PLXNA4: variants seen among roughly 807,000 people sequenced by gnomAD.
The protein encoded by PLXNA4 is plexin-A4.
PLXNA4 carries 44 observed loss-of-function variants against 191.8 expected under a neutral mutation model. That is an observed-to-expected ratio of 0.23 (90% CI 0.18 to 0.29). PLXNA4 has a LOEUF of 0.29. PLXNA4 is among the 10% of genes least tolerant of loss of function. The pLI, the probability that PLXNA4 is intolerant of heterozygous loss-of-function variation, is 1.00. For synonymous variants in PLXNA4, 1,082 were observed against 1,009.5 expected, an observed-to-expected ratio of 1.07 and a Z score of -1.36; for missense variants, 1,800 against 2,488.8, an observed-to-expected ratio of 0.72 and a Z score of 5.89.
chr7:132,608,807 AT>A (rs1802991337), intron 2 of PLXNA4, among the ~76,000 whole-genome samples: 1 of 152,054 alleles, frequency 6.6e-6, no homozygotes, highest in Non-Finnish European at 1.5e-5. Flanking sequence ...ACCCTCAGGG[AT>A]TACTCACTCC....
At chr7:132,476,254 C>A (rs1797125691) in intron 3 of PLXNA4, among the ~76,000 whole-genome samples, 1 of 152,270 alleles carries the variant, frequency 6.6e-6, no homozygotes, top group Non-Finnish European at 1.5e-5. Flanking sequence ...CGGGCAACTC[C>A]TTAAGAGCTT....
At chr7:132,171,188 C>T (rs1453811223) in intron 21 of PLXNA4, among the ~76,000 whole-genome samples, 1 of 152,220 alleles carries the variant, frequency 6.6e-6, no homozygotes, top group Non-Finnish European at 1.5e-5. Flanking sequence ...TAGATAATGT[C>T]ATTTCTTGGG....
intron 2 of PLXNA4, among the ~76,000 whole-genome samples, chr7:132,493,741 G>A (rs1160656837): frequency 1.4e-5 from 2 of 142,078 alleles, no homozygotes; most frequent in Non-Finnish European, 3.1e-5. Flanking sequence ...GTGGATGGGT[G>A]GATGGGTGGA....
At chr7:132,501,915 G>A (rs1437528128) in intron 2 of PLXNA4, among the ~76,000 whole-genome samples, 4 of 152,232 alleles carry the variant, frequency 2.6e-5, no homozygotes, top group African/African-American at 9.6e-5. Context: ...AAGTGTAGTG[G>A]AGATGAGAGA....
intron 3 of PLXNA4, among the ~76,000 whole-genome samples, chr7:132,409,904 C>T (rs745628235): frequency 6.6e-6 from 1 of 152,216 alleles, no homozygotes; most frequent in African/African-American, 2.4e-5. Context: ...GGGTTAATGC[C>T]TGGCCCGGCA....
intron 2 of PLXNA4, among the ~76,000 whole-genome samples, chr7:132,631,318 G>C (rs1253889430): frequency 6.6e-6 from 1 of 152,138 alleles, no homozygotes; most frequent in Non-Finnish European, 1.5e-5. Flanking sequence ...CAGTTTAAGA[G>C]GCACAGCCCT....
At chr7:132,271,431 G>GA (rs5887561) in intron 4 of PLXNA4, among the ~76,000 whole-genome samples, 79,834 of 128,268 alleles carry the variant, frequency 0.62, 24,591 homozygotes, top group African/African-American at 0.73. Context: ...AGTCACTTAG[G>GA]AAAAAAAAAA....
At position 132,444,891 on chromosome 7, in the gene PLXNA4, C is replaced by T. The variant is rs549918989; in HGVS notation, c.1371+44401G>A. 6.6e-5 allele frequency among the ~76,000 whole-genome samples: 10 copies of T among 151,830 alleles called. No individual in the cohort carries two copies. In the East Asian group the frequency reaches 1.2e-3, roughly 18 times the overall value. On this transcript the variant is annotated intron_variant, in intron 3 of 31. Coordinates refer to ENST00000321063, the MANE Select transcript of PLXNA4 (RefSeq NM_020911.2). ...CTTAAGATTGGTTCTCGGCTGGGCG[C>T]GGTGGCTCACTCCTGTAATCCCAAC...
intron 3 of PLXNA4, among the ~76,000 whole-genome samples, chr7:132,346,765 T>A (rs1803259896): frequency 6.6e-6 from 1 of 152,252 alleles, no homozygotes; most frequent in South Asian, 2.1e-4. Context: ...CTGGAGAATT[T>A]ACACATACAC....
At chr7:132,602,219 A>G (rs1802833794) in intron 2 of PLXNA4, among the ~76,000 whole-genome samples, 1 of 152,194 alleles carries the variant, frequency 6.6e-6, no homozygotes, top group African/African-American at 2.4e-5. Flanking sequence ...CACTGGACAA[A>G]AATATGAGAA....
At chr7:132,203,113 C>G (rs575943820) in intron 11 of PLXNA4, among the ~76,000 whole-genome samples, 2 of 152,308 alleles carry the variant, frequency 1.3e-5, no homozygotes, top group South Asian at 4.1e-4. Context: ...CAGAAGCCCT[C>G]AGCCCAGGTC....
intron 3 of PLXNA4, among the ~76,000 whole-genome samples, chr7:132,418,383 G>A (rs1028900031): frequency 2.0e-5 from 3 of 152,136 alleles, no homozygotes; most frequent in Admixed American, 6.5e-5. Context: ...TATCAGGATT[G>A]AAACTTTCTG....
chr7:132,145,415 G>GGTAA (rs1395647511), intron 28 of PLXNA4, 127 bp from the exon 29 acceptor site: 1 of 1,326,266 alleles, frequency 7.5e-7, no homozygotes, highest in African/African-American at 1.5e-5. Flanking sequence ...GGTAAAATTG[G>GGTAA]GTAAGTCCAT....
intron 28 of PLXNA4, chr7:132,145,620 A>G (rs1439210390): frequency 1.3e-5 from 4 of 318,822 alleles, no homozygotes; most frequent in Non-Finnish European, 2.4e-5. Flanking sequence ...ACTTGGTCAG[A>G]GCAGACAAAC....
intron 3 of PLXNA4, among the ~76,000 whole-genome samples, chr7:132,359,813 A>AAGAT (rs1375577993): frequency 2.0e-5 from 3 of 152,174 alleles, no homozygotes; most frequent in African/African-American, 4.8e-5. Flanking sequence ...AAAAAGAAAA[A>AAGAT]AGATATTTGA....
chr7:132,513,395 T>G (rs1021923986), intron 1 of PLXNA4, among the ~76,000 whole-genome samples: 1 of 152,192 alleles, frequency 6.6e-6, no homozygotes, highest in Non-Finnish European at 1.5e-5. Flanking sequence ...ATGCCTTCTT[T>G]AAAGATAAGG....
chr7:132,289,629 T>G (rs2161873), intron 4 of PLXNA4, among the ~76,000 whole-genome samples: 1 of 151,742 alleles, frequency 6.6e-6, no homozygotes, highest in Non-Finnish European at 1.5e-5. Flanking sequence ...ACCTCCTAGA[T>G]TCAAATAATC....
At chr7:132,148,463 C>T (rs1490013768) in intron 26 of PLXNA4, 80 bp downstream of exon 26, 1 of 1,582,214 alleles carries the variant, frequency 6.3e-7, no homozygotes, top group Non-Finnish European at 8.6e-7. Context: ...TGGTGTCTAC[C>T]CCTGTTATTC....
chr7:132,284,537 G>T (rs557956169), intron 4 of PLXNA4, among the ~76,000 whole-genome samples: 1 of 152,228 alleles, frequency 6.6e-6, no homozygotes, highest in Non-Finnish European at 1.5e-5. Flanking sequence ...GTGAGTAGTG[G>T]CCCTAGCCAA....
Sources: allele counts gnomAD v4.1 joint callset (sites outside exome capture counted in the v4.1 genomes callset), GRCh38; gene constraint gnomAD v4.1.1; transcripts MANE v1.5; gene names NCBI Gene and HGNC (gene_info 2026-07-23, HGNC 2026-07-21).